The following PACSIN2 variants were observed in gnomAD, a reference collection of about 807,000 sequenced individuals.
PACSIN2 encodes the protein protein kinase C and casein kinase substrate in neurons 2, also known as protein kinase C and casein kinase substrate in neurons protein 2.
A neutral mutation model predicts 63.8 loss-of-function variants in PACSIN2; 25 were observed. The ratio of observed to expected loss-of-function variants is 0.39; its 90% confidence interval spans 0.29 to 0.55. The LOEUF (loss-of-function observed/expected upper bound fraction) is 0.55, where lower values mean the gene tolerates loss of function less well. Among genes scored for constraint, PACSIN2 ranks in the 20% least tolerant of loss-of-function variants. The probability of loss-of-function intolerance (pLI) is 0.62; values close to 1 mark genes in which losing one functional copy is unlikely to be tolerated. For missense variants in PACSIN2, 518 were observed against 646.9 expected (o/e 0.80, Z 2.16); for synonymous variants, 255 against 256.2 (o/e 1.00, Z 0.05).
chr22:42,919,269 T>C (rs1403414591), intron 1 of PACSIN2, among the ~76,000 whole-genome samples: 1 of 152,162 alleles, frequency 6.6e-6, no homozygotes, highest in African/African-American at 2.4e-5. Flanking sequence ...CCACTGTCCT[T>C]GTCTGTAAGG....
At chr22:43,003,324 C>T (rs962610668) in intron 1 of PACSIN2, among the ~76,000 whole-genome samples, 5 of 151,996 alleles carry the variant, frequency 3.3e-5, no homozygotes, top group East Asian at 1.9e-4. Context: ...AAACAAATAT[C>T]GGCTGGGCGC....
At chr22:42,941,676 A>G (rs1424242318) in intron 1 of PACSIN2, among the ~76,000 whole-genome samples, 1 of 152,168 alleles carries the variant, frequency 6.6e-6, no homozygotes. Flanking sequence ...CTTATTGGCC[A>G]TTTGTATACT....
At chr22:42,926,057 G>T (rs1932513881) in intron 1 of PACSIN2, among the ~76,000 whole-genome samples, 1 of 152,204 alleles carries the variant, frequency 6.6e-6, no homozygotes, top group South Asian at 2.1e-4. Context: ...GCAAAGCTGG[G>T]ATGTTTTTTA....
chr22:42,949,123 T>C (rs1429574680), intron 1 of PACSIN2, among the ~76,000 whole-genome samples: 2 of 152,170 alleles, frequency 1.3e-5, no homozygotes, highest in African/African-American at 4.8e-5. Flanking sequence ...TGGGATCCTG[T>C]CTCTATAAGG....
intron 1 of PACSIN2, among the ~76,000 whole-genome samples, chr22:42,980,323 G>C (rs1231887816): frequency 6.6e-6 from 1 of 152,156 alleles, no homozygotes; most frequent in Non-Finnish European, 1.5e-5. Context: ...AGAACAGCCT[G>C]AACAACATGG....
intron 1 of PACSIN2, among the ~76,000 whole-genome samples, chr22:43,005,696 G>A (rs535709216): frequency 3.9e-5 from 6 of 152,292 alleles, no homozygotes; most frequent in East Asian, 3.9e-4. Context: ...ATTCACTTAC[G>A]TAGACTGATA....
At chr22:42,917,596 C>T (rs1031603166) in intron 1 of PACSIN2, among the ~76,000 whole-genome samples, 1 of 151,230 alleles carries the variant, frequency 6.6e-6, no homozygotes, top group Non-Finnish European at 1.5e-5. Flanking sequence ...GCCTGGGCAA[C>T]AGAGCAAGAC....
At chr22:42,964,942 T>C (rs935370312) in intron 1 of PACSIN2, among the ~76,000 whole-genome samples, 2 of 152,268 alleles carry the variant, frequency 1.3e-5, no homozygotes, top group African/African-American at 2.4e-5. Flanking sequence ...TCTGGTTCAT[T>C]TATTTGCTAG....
Position 42,882,235 on chromosome 22 carries a change from C to T in PACSIN2, c.855G>A (p.Trp285Ter). 1 of 1,614,026 alleles carries T rather than the reference C, an allele frequency of 6.2e-7. No homozygotes were observed. Among genetic ancestry groups the T allele is most frequent in the Non-Finnish European group, 8.5e-7 (1 of 1,179,952 alleles). ...RAADAVEDLR[W>*]FRANHGPGMA... ...TGCCCGGCCCGTGATTGGCTCGGAA[C>T]CACCTCAGGTCCTCCACTGCATCAG... The change falls in exon 7 of 11, where the codon TGG (tryptophan) becomes TGA (stop). Residue 285 changes from tryptophan (W) to a stop codon, truncating the protein, a stop_gained. Coordinates refer to ENST00000263246, the MANE Select transcript of PACSIN2 (RefSeq NM_001184970.3). LOFTEE classifies it high-confidence loss of function.
intron 3 of PACSIN2, 128 bp from the exon 4 acceptor site, chr22:42,891,310 T>A (rs2146670929): frequency 3.2e-6 from 2 of 628,526 alleles, no homozygotes; most frequent in East Asian, 5.5e-5. Flanking sequence ...TTCAGATATT[T>A]TTCTCTCAGG....
At chr22:43,011,014 T>C (rs983038331) in intron 1 of PACSIN2, among the ~76,000 whole-genome samples, 1 of 152,226 alleles carries the variant, frequency 6.6e-6, no homozygotes, top group Non-Finnish European at 1.5e-5. Context: ...TGAGAATTCT[T>C]TGAAGCCTGT....
chr22:42,883,645 T>C (rs1929238909), intron 6 of PACSIN2, among the ~76,000 whole-genome samples: 1 of 152,158 alleles, frequency 6.6e-6, no homozygotes, highest in Non-Finnish European at 1.5e-5. Context: ...ACAAAGGGCC[T>C]CAAAGAAAGA....
In PACSIN2 at chr22:42,871,415, C is replaced by T. The variant is rs1285871017; in HGVS notation, c.1403G>A (p.Arg468His). Residue 468 changes from arginine to histidine, a missense_variant, in exon 11 of 11, where the codon CGC (arginine) becomes CAC (histidine). Physicochemically the swap from Arg to His is conservative, Grantham distance 29 (BLOSUM62 0). Around this residue, in one of 2 missense-constraint regions of PACSIN2, gnomAD observed 11 missense variants for 34.6 expected, o/e 0.32. Transcript: ENST00000263246. The surrounding 1 kb of genome is among the most constrained non-coding windows in gnomAD (Gnocchi z 5.4). Reference protein sequence around the residue: ...DEDEQGWCKGRLDNGQVGLYP... With the variant: ...DEDEQGWCKGHLDNGQVGLYP... The stretch of plus-strand genomic sequence containing the variant: ...TAGGCCAACTTGCCCGTTGTCCAAG[C>T]GTCCCTTGCACCAGCCCTGCTCATC... The T allele has an allele frequency of 4.3e-6, 7 of 1,614,178 alleles. No homozygotes were observed. The highest frequency in any genetic ancestry group is 1.1e-5 in the South Asian group (1 of 91,090).
intron 1 of PACSIN2, among the ~76,000 whole-genome samples, chr22:43,004,584 G>A (rs1923971569): frequency 6.6e-6 from 1 of 152,210 alleles, no homozygotes; most frequent in Admixed American, 6.5e-5. Flanking sequence ...TTCCTCTGAA[G>A]ACCACAATTC....
At position 42,954,562 on chromosome 22, in the gene PACSIN2, T is replaced by G. The variant is rs577594599; in HGVS notation, c.-77-42405A>C. On this transcript the variant is annotated intron_variant, in intron 1 of 10. Coordinates refer to ENST00000263246, the MANE Select transcript of PACSIN2 (RefSeq NM_001184970.3). ...GTATGTGCCACTGCACCTGGCTAAT[T>G]TTTTATTTTTTATAGAGACAGAGGA... Among the ~76,000 whole-genome samples, 20 of 152,254 alleles carry G rather than the reference T, an allele frequency of 1.3e-4. No individual in the cohort carries two copies. The South Asian group carries it at 4.1e-3, about 32-fold the overall frequency.
At chr22:42,925,579 G>A (rs1569280740) in intron 1 of PACSIN2, among the ~76,000 whole-genome samples, 2 of 152,168 alleles carry the variant, frequency 1.3e-5, no homozygotes, top group African/African-American at 2.4e-5. Flanking sequence ...ACACAAAGCA[G>A]TTGCTTTGTA....
At chr22:42,882,002 C>T (rs1929111553) in intron 7 of PACSIN2, among the ~76,000 whole-genome samples, 182 bp downstream of exon 7, 2 of 152,246 alleles carry the variant, frequency 1.3e-5, no homozygotes, top group African/African-American at 2.4e-5. Context: ...TTCGGTAATG[C>T]CTGCAGCCCC....
At chr22:42,896,453 A>C (rs1236657441) in intron 2 of PACSIN2, among the ~76,000 whole-genome samples, 1 of 150,986 alleles carries the variant, frequency 6.6e-6, no homozygotes, top group Non-Finnish European at 1.5e-5. Flanking sequence ...TACCACTATC[A>C]GAAGTTCACT....
At chr22:43,005,403 C>A (rs76236971) in intron 1 of PACSIN2, among the ~76,000 whole-genome samples, 11,541 of 152,244 alleles carry the variant, frequency 0.076, 585 homozygotes, top group Non-Finnish European at 0.11. Flanking sequence ...CCCTCAAAAC[C>A]CAGGGAGGAT....
Sources: gnomAD v4.1 joint callset for allele counts (sites outside exome capture counted in the v4.1 genomes callset) on GRCh38, gnomAD v4.1.1 for gene constraint, gnomAD v4.1.1 regional missense constraint, Gnocchi (gnomAD v3.1) non-coding constraint, MANE v1.5 for transcripts, NCBI Gene and HGNC (gene_info 2026-07-23, HGNC 2026-07-21) for gene names.